The following TAOK1 variants were observed in gnomAD, a reference collection of about 807,000 sequenced individuals.
TAOK1 encodes serine/threonine-protein kinase TAO1.
TAOK1 carries 21 observed loss-of-function variants against 138.3 expected under a neutral mutation model. The ratio of observed to expected loss-of-function variants is 0.15; its 90% CI spans 0.11 to 0.22. The LOEUF (loss-of-function observed/expected upper bound fraction) is 0.22. Among genes scored for constraint, TAOK1 ranks in the 10% least tolerant of loss-of-function variants. TAOK1 has a pLI of 1.00. For synonymous variants in TAOK1, 361 were observed against 398.4 expected (o/e 0.91, Z 1.12); for missense variants, 651 against 1,227.7 (o/e 0.53, Z 7.02).
intron 1 of TAOK1, among the ~76,000 whole-genome samples, chr17:29,438,422 T>G (rs918089966): frequency 2.0e-5 from 3 of 152,188 alleles, no homozygotes; most frequent in Admixed American, 1.3e-4. Context: ...CAGTGGCTCA[T>G]GCCTGTAATC....
At chr17:29,523,706 A>C (rs2031960758) in intron 17 of TAOK1, among the ~76,000 whole-genome samples, 1 of 152,054 alleles carries the variant, frequency 6.6e-6, no homozygotes, top group Non-Finnish European at 1.5e-5. Flanking sequence ...TTAATATACA[A>C]AACCACCCAC....
At chr17:29,497,751 T>G (rs2031442021) in intron 11 of TAOK1, among the ~76,000 whole-genome samples, 1 of 149,878 alleles carries the variant, frequency 6.7e-6, no homozygotes, top group Non-Finnish European at 1.5e-5. Context: ...AAAGGTAATC[T>G]AGAGACTATG....
chr17:29,532,100 T>G (rs2032124846), intron 18 of TAOK1, among the ~76,000 whole-genome samples: 1 of 152,024 alleles, frequency 6.6e-6, no homozygotes, highest in Non-Finnish European at 1.5e-5. Context: ...GACCTTGTGA[T>G]CCGCCCGCCT....
intron 1 of TAOK1, among the ~76,000 whole-genome samples, chr17:29,427,332 C>T (rs978197111): frequency 3.9e-5 from 6 of 152,046 alleles, no homozygotes; most frequent in East Asian, 1.9e-4. Context: ...CGGTGGCTCA[C>T]GCCTGTAATC....
intron 11 of TAOK1, among the ~76,000 whole-genome samples, chr17:29,496,604 T>A (rs868479184): frequency 1.3e-4 from 15 of 113,290 alleles, no homozygotes; most frequent in African/African-American, 4.0e-4. Context: ...TTTTTTTTTT[T>A]AAAGACAGGG....
chr17:29,489,792 G>T (rs1175993240), intron 9 of TAOK1, 35 bp downstream of exon 9: 1 of 1,408,270 alleles, frequency 7.1e-7, no homozygotes, highest in Non-Finnish European at 9.6e-7. Context: ...GCTCAGTGTT[G>T]AATAAATGAA....
At chr17:29,437,152 C>T (rs913380622) in intron 1 of TAOK1, among the ~76,000 whole-genome samples, 2 of 152,180 alleles carry the variant, frequency 1.3e-5, no homozygotes, top group African/African-American at 4.8e-5. Flanking sequence ...CCACCTCCTC[C>T]TCCTGGGTTC....
chr17:29,499,335 G>A (rs985160950), intron 12 of TAOK1, among the ~76,000 whole-genome samples: 10 of 148,150 alleles, frequency 6.7e-5, no homozygotes, highest in Non-Finnish European at 1.2e-4. Context: ...AGTTTCAAGC[G>A]ATCCTCCTGC....
At chr17:29,444,467 T>C (rs2030027326) in intron 1 of TAOK1, among the ~76,000 whole-genome samples, 1 of 152,228 alleles carries the variant, frequency 6.6e-6, no homozygotes, top group African/African-American at 2.4e-5. Context: ...TCTAACAGTG[T>C]AATGATGTAT....
intron 19 of TAOK1, among the ~76,000 whole-genome samples, chr17:29,542,144 TG>T (rs1168252129): frequency 1.3e-5 from 2 of 152,312 alleles, no homozygotes; most frequent in East Asian, 3.9e-4. Context: ...CCCAAAGTGC[TG>T]GGACTACAGG....
rs189815440 is a variant in TAOK1 at position 29,464,178 on chromosome 17, G to A, written c.133-2967G>A. Among the ~76,000 whole-genome samples, 23 of 152,096 alleles carry A rather than the reference G, an allele frequency of 1.5e-4. No homozygotes were observed. The East Asian group carries it at 4.4e-3, about 29-fold the overall frequency. On this transcript the variant is annotated intron_variant, in intron 2 of 19. Coordinates refer to ENST00000261716, the MANE Select transcript of TAOK1 (RefSeq NM_020791.4). Reference sequence around the variant, plus strand: ...GGGCCAGGCGCGGTGGCTCACGCCTGTAATCCCAGCACTATGGGAGGCCAA... The same window carrying A: ...GGGCCAGGCGCGGTGGCTCACGCCTATAATCCCAGCACTATGGGAGGCCAA...
chr17:29,428,246 T>C (rs1162274519), intron 1 of TAOK1, among the ~76,000 whole-genome samples: 1 of 152,178 alleles, frequency 6.6e-6, no homozygotes, highest in Non-Finnish European at 1.5e-5. Context: ...GTTGGGAGGC[T>C]GAGCAAGAAG....
chr17:29,397,607 C>CCCCAAAAAA lies in TAOK1; in HGVS notation c.-95+6583_-95+6584insCCCAAAAAA, dbSNP rs60665025. On this transcript the variant is annotated intron_variant, in intron 1 of 19. Coordinates refer to ENST00000261716, the MANE Select transcript of TAOK1 (RefSeq NM_020791.4). Reference sequence around the variant, plus strand: ...AACAGAGTGAGATTCCGTCCCCCCCCAAAAAAATATATATATATATATACA... The same window carrying CCCCAAAAAA: ...AACAGAGTGAGATTCCGTCCCCCCCCCCCAAAAAAAAAAAAATATATATATATATATACA... Among the ~76,000 whole-genome samples the CCCCAAAAAA allele has an allele frequency of 2.5e-3, 236 of 94,608 alleles. 7 individuals carry two copies. Among genetic ancestry groups the CCCCAAAAAA allele is most frequent in the East Asian group, 4.0e-3 (14 of 3,544 alleles). 62.1% of individuals were successfully genotyped at this position (94,608 alleles called of 152,430 possible).
At chr17:29,438,492 G>T (rs1029094452) in intron 1 of TAOK1, among the ~76,000 whole-genome samples, 58 of 152,272 alleles carry the variant, frequency 3.8e-4, no homozygotes, top group African/African-American at 1.3e-3. Context: ...CGAGAATAGC[G>T]TGGGTAACAT....
intron 1 of TAOK1, among the ~76,000 whole-genome samples, chr17:29,421,960 C>T (rs1285962335): frequency 5.3e-5 from 8 of 152,176 alleles, no homozygotes; most frequent in Admixed American, 2.6e-4. Context: ...TGCAGTGGCA[C>T]GATCTCGGCT....
At position 29,543,352 on chromosome 17, in the gene TAOK1, C is replaced by A. The variant is rs1025084673; in HGVS notation, c.*330C>A. ...AGAATTGGCTAGATAGGGGATTTTT[C>A]TGAACACTGCAAAAATAGAACGTAG... is the stretch of plus-strand genomic sequence containing the variant. On this transcript the variant is annotated 3_prime_UTR_variant, in exon 20 of 20. Coordinates refer to ENST00000261716, the MANE Select transcript of TAOK1 (RefSeq NM_020791.4). 1.2e-5 allele frequency: 2 copies of A among 164,908 alleles called. No homozygotes were observed. Among genetic ancestry groups the A allele is most frequent in the African/African-American group, 4.8e-5 (2 of 41,920 alleles). The allele number at this position is 164,908 out of a possible 1,614,324, so 10.2% of individuals were successfully genotyped here.
At chr17:29,498,925 C>CAA (rs75922490) in intron 12 of TAOK1, among the ~76,000 whole-genome samples, 1 of 135,488 alleles carries the variant, frequency 7.4e-6, no homozygotes, top group African/African-American at 2.7e-5. Context: ...GACCCTATCT[C>CAA]AAAAAAAAAA....
At chr17:29,458,496 T>C (rs1290266099) in intron 2 of TAOK1, among the ~76,000 whole-genome samples, 1 of 152,122 alleles carries the variant, frequency 6.6e-6, no homozygotes, top group Non-Finnish European at 1.5e-5. Flanking sequence ...GTTTTTTTTG[T>C]TTTGTTTTGT....
At chr17:29,481,873 T>C (rs1016762652) in intron 7 of TAOK1, among the ~76,000 whole-genome samples, 1 of 152,044 alleles carries the variant, frequency 6.6e-6, no homozygotes, top group Non-Finnish European at 1.5e-5. Flanking sequence ...GGCAGGAGAA[T>C]GGCGTGAACC....
Sources: allele counts gnomAD v4.1 joint callset (sites outside exome capture counted in the v4.1 genomes callset), GRCh38; gene constraint gnomAD v4.1.1; transcripts MANE v1.5; gene names NCBI Gene and HGNC (gene_info 2026-07-23, HGNC 2026-07-21).